ZMAT4: variants seen among roughly 807,000 people sequenced by gnomAD.
The protein encoded by ZMAT4 is zinc finger matrin-type 4.
Under a neutral mutation model 28.7 loss-of-function variants are expected in ZMAT4, and 17 were observed. The ratio of observed to expected loss-of-function variants is 0.59; its 90% CI spans 0.41 to 0.89. The LOEUF is 0.89. Among genes scored for constraint, ZMAT4 ranks in the 40% least tolerant of loss-of-function variants. The probability of loss-of-function intolerance (pLI) is 0.00; values close to 1 mark genes in which losing one functional copy is unlikely to be tolerated. For missense variants in ZMAT4, 240 were observed against 283.8 expected, an observed-to-expected ratio of 0.85 and a Z score of 1.11; for synonymous variants, 117 against 109.2, an observed-to-expected ratio of 1.07 and a Z score of -0.44.
Position 40,717,488 on chromosome 8 carries a change from C to A in ZMAT4, c.193-20087G>T, listed in dbSNP as rs554934163. On this transcript the variant is annotated intron_variant, in intron 3 of 6. Coordinates refer to ENST00000297737, the MANE Select transcript of ZMAT4 (RefSeq NM_024645.3). ...TTGGCAACACAGTGATACTCCATCT[C>A]TACAAAATAAGAATAAAAAATAACT... is the stretch of plus-strand genomic sequence containing the variant. Among the ~76,000 whole-genome samples, 47 of 152,126 alleles carry A rather than the reference C, an allele frequency of 3.1e-4. No individual in the cohort carries two copies. The South Asian group carries it at 7.5e-3, about 24-fold the overall frequency.
chr8:40,601,481 G>GAAAGAAAAAAA (rs1554525385), intron 5 of ZMAT4, among the ~76,000 whole-genome samples: 1 of 114,996 alleles, frequency 8.7e-6, no homozygotes, highest in Non-Finnish European at 1.9e-5. Flanking sequence ...AAGAAAGAAA[G>GAAAGAAAAAAA]AAAGAAAGAA....
chr8:40,853,414 G>A (rs1375740977), intron 1 of ZMAT4, among the ~76,000 whole-genome samples: 1 of 152,050 alleles, frequency 6.6e-6, no homozygotes, highest in East Asian at 1.9e-4. Flanking sequence ...AACTTAGCTG[G>A]GTGTGGTGGC....
At chr8:40,800,330 A>G (rs1696813550) in intron 2 of ZMAT4, among the ~76,000 whole-genome samples, 1 of 134,106 alleles carries the variant, frequency 7.5e-6, no homozygotes, top group Non-Finnish European at 1.6e-5. Flanking sequence ...CAAAATGGAC[A>G]AAGCCAAAAA....
chr8:40,627,612 A>G lies in ZMAT4; in HGVS notation c.578-46351T>C, dbSNP rs182310432. Among the ~76,000 whole-genome samples, 228 of 152,356 alleles carry G rather than the reference A, an allele frequency of 1.5e-3. 2 individuals are homozygous for G. Among genetic ancestry groups the G allele is most frequent in the Admixed American group, 0.015 (228 of 15,304 alleles). ...ACCATTTAAAATTTTTCAACCATGT[A>G]TAAGCAGGGAATACAATTAAAACAT... On this transcript the variant is annotated intron_variant, in intron 5 of 6. Coordinates refer to ENST00000297737, the MANE Select transcript of ZMAT4 (RefSeq NM_024645.3).
chr8:40,687,343 T>A (rs1809454021), intron 4 of ZMAT4, among the ~76,000 whole-genome samples: 1 of 152,178 alleles, frequency 6.6e-6, no homozygotes, highest in South Asian at 2.1e-4. Context: ...TGATCCCTGA[T>A]GTGAAGCCAT....
chr8:40,862,594 A>AG (rs1817538932), intron 1 of ZMAT4, among the ~76,000 whole-genome samples: 1 of 146,190 alleles, frequency 6.8e-6, no homozygotes. Context: ...TAAAAAAAAA[A>AG]AAAAAAGAAA....
intron 2 of ZMAT4, among the ~76,000 whole-genome samples, chr8:40,780,828 C>T (rs1813796192): frequency 1.3e-5 from 2 of 152,102 alleles, no homozygotes; most frequent in Non-Finnish European, 2.9e-5. Flanking sequence ...AAGCTTTGAA[C>T]AAAATCTAAC....
intron 1 of ZMAT4, among the ~76,000 whole-genome samples, chr8:40,837,113 A>G (rs1236631801): frequency 6.6e-6 from 1 of 152,236 alleles, no homozygotes; most frequent in Non-Finnish European, 1.5e-5. Flanking sequence ...CCTGGCCACA[A>G]AAGATCAGAC....
At chr8:40,545,008 G>C (rs1221770181) in intron 6 of ZMAT4, among the ~76,000 whole-genome samples, 2 of 152,086 alleles carry the variant, frequency 1.3e-5, no homozygotes, top group Non-Finnish European at 2.9e-5. Context: ...TTTCCATCTT[G>C]TTCCTCTTTT....
intron 5 of ZMAT4, among the ~76,000 whole-genome samples, chr8:40,613,802 G>A (rs1359604785): frequency 6.6e-6 from 1 of 152,162 alleles, no homozygotes; most frequent in Non-Finnish European, 1.5e-5. Flanking sequence ...CACTGCACTG[G>A]AGGGCGTGGA....
At chr8:40,712,431 A>T (rs1810666191) in intron 3 of ZMAT4, among the ~76,000 whole-genome samples, 1 of 152,224 alleles carries the variant, frequency 6.6e-6, no homozygotes, top group South Asian at 2.1e-4. Context: ...AAAATCGCTG[A>T]CCTGTTATCC....
intron 3 of ZMAT4, among the ~76,000 whole-genome samples, chr8:40,715,696 C>T (rs937862866): frequency 6.6e-6 from 1 of 152,106 alleles, no homozygotes; most frequent in Non-Finnish European, 1.5e-5. Flanking sequence ...GATAAGATCT[C>T]CTTTCGCTCT....
rs1815383995 is a variant in ZMAT4 at position 40,812,946 on chromosome 8, AAATTAAATT to A, written c.102+12620_102+12628del. ...AAAACTCCATCTCAAAAATTAAATT[AAATTAAATT>A]AAATTAAATTAAATTAAATTAAATT... On this transcript the variant is annotated intron_variant, in intron 2 of 6. Transcript: ENST00000297737. Among the ~76,000 whole-genome samples the A allele has an allele frequency of 1.6e-4, 8 of 51,510 alleles. 1 individual carries two copies. In the Admixed American group the frequency reaches 1.8e-3, roughly 12 times the overall value. The allele number at this position is 51,510 out of a possible 152,430, so 33.8% of individuals were successfully genotyped here.
intron 5 of ZMAT4, 110 bp downstream of exon 5, chr8:40,674,594 C>T: frequency 1.1e-6 from 1 of 899,662 alleles, no homozygotes; most frequent in South Asian, 1.7e-5. Context: ...GTGAGCCTCA[C>T]TTTTTCCTTA....
rs749363248 is a variant in ZMAT4, at chr8:40,700,406, C to CTTTTTTTTTTTTTTTTTT, written c.193-3006_193-3005insAAAAAAAAAAAAAAAAAA. Among the ~76,000 whole-genome samples, 7 of 60,768 alleles carry CTTTTTTTTTTTTTTTTTT rather than the reference C, an allele frequency of 1.2e-4. 3 individuals are homozygous for CTTTTTTTTTTTTTTTTTT. Among genetic ancestry groups the CTTTTTTTTTTTTTTTTTT allele is most frequent in the Non-Finnish European group, 9.3e-5 (3 of 32,350 alleles). 39.9% of individuals were successfully genotyped at this position (60,768 alleles called of 152,430 possible). On this transcript the variant is annotated intron_variant, in intron 3 of 6. Transcript: ENST00000297737. ...TCACTTCCTTGAGGGGAAGCTGCTGCTTTTCTTTTTTTTTTTTTTTTTTTT... is the reference window on the plus strand; with the variant it reads ...TCACTTCCTTGAGGGGAAGCTGCTGCTTTTTTTTTTTTTTTTTTTTTTCTTTTTTTTTTTTTTTTTTTT...
At chr8:40,554,640 C>G (rs1364054799) in intron 6 of ZMAT4, among the ~76,000 whole-genome samples, 4 of 152,070 alleles carry the variant, frequency 2.6e-5, no homozygotes, top group Non-Finnish European at 5.9e-5. Context: ...CTTTCATCAA[C>G]TACTTCTCAA....
chr8:40,575,348 A>C (rs1236123591), intron 6 of ZMAT4, among the ~76,000 whole-genome samples: 1 of 152,106 alleles, frequency 6.6e-6, no homozygotes, highest in Non-Finnish European at 1.5e-5. Flanking sequence ...AGCCCAAGCC[A>C]CCAAACCCCT....
intron 2 of ZMAT4, chr8:40,786,856 A>G: frequency 1.7e-6 from 1 of 580,686 alleles, no homozygotes; most frequent in Non-Finnish European, 2.8e-6. Flanking sequence ...AGGCTGTTCT[A>G]GGCCCACAAA....
intron 5 of ZMAT4, among the ~76,000 whole-genome samples, chr8:40,650,202 G>C (rs181746871): frequency 0.049 from 7,502 of 152,120 alleles, 403 homozygotes; most frequent in Admixed American, 0.17. Flanking sequence ...GAAAAAAAGA[G>C]GGAAGAATCA....
Sources: allele counts gnomAD v4.1 joint callset (sites outside exome capture counted in the v4.1 genomes callset), GRCh38; gene constraint gnomAD v4.1.1; transcripts MANE v1.5; gene names NCBI Gene and HGNC (gene_info 2026-07-23, HGNC 2026-07-21).